DLG2: variants seen among roughly 807,000 people sequenced by gnomAD.
The protein encoded by DLG2 is discs large MAGUK scaffold protein 2.
DLG2 carries 45 observed loss-of-function variants against 132.5 expected under a neutral mutation model. The ratio of observed to expected loss-of-function variants is 0.34; its 90% CI spans 0.27 to 0.44. The LOEUF is 0.44. Among genes scored for constraint, DLG2 ranks in the 20% least tolerant of loss-of-function variants. The probability of loss-of-function intolerance (pLI) is 1.00; values close to 1 mark genes in which losing one functional copy is unlikely to be tolerated. For synonymous variants in DLG2, 424 were observed against 419.6 expected, an observed-to-expected ratio of 1.01 and a Z score of -0.13; for missense variants, 1,045 against 1,196.9, an observed-to-expected ratio of 0.87 and a Z score of 1.87.
intron 16 of DLG2, among the ~76,000 whole-genome samples, chr11:83,859,771 A>C (rs10898162): frequency 0.073 from 11,161 of 152,200 alleles, 1,008 homozygotes; most frequent in African/African-American, 0.21. Context: ...AGAGACCTAG[A>C]TCTTTATGGC....
intron 6 of DLG2, among the ~76,000 whole-genome samples, chr11:85,069,555 C>T (rs1409870623): frequency 2.0e-5 from 3 of 152,102 alleles, no homozygotes; most frequent in Non-Finnish European, 4.4e-5. Flanking sequence ...TGAAAAAATG[C>T]TCATCATCAC....
intron 21 of DLG2, among the ~76,000 whole-genome samples, chr11:83,519,621 A>G (rs73522613): frequency 2.0e-3 from 308 of 152,336 alleles, no homozygotes; most frequent in African/African-American, 7.1e-3. Flanking sequence ...CTATTTAGCA[A>G]AAACACCTGG....
At chr11:85,554,260 G>A (rs1187217380) in intron 3 of DLG2, among the ~76,000 whole-genome samples, 2 of 151,550 alleles carry the variant, frequency 1.3e-5, no homozygotes, top group African/African-American at 4.8e-5. Flanking sequence ...TCAAACTTCT[G>A]ATAGTATTGA....
intron 6 of DLG2, among the ~76,000 whole-genome samples, chr11:84,891,900 C>T (rs2089456972): frequency 6.6e-6 from 1 of 152,122 alleles, no homozygotes; most frequent in African/African-American, 2.4e-5. Flanking sequence ...AAATAGGATG[C>T]ACCATTTATT....
chr11:84,962,327 T>C lies in DLG2; in HGVS notation c.357+149334A>G, dbSNP rs533334417. On this transcript the variant is annotated intron_variant, in intron 6 of 27. Coordinates refer to ENST00000376104, the MANE Select transcript of DLG2 (RefSeq NM_001142699.3). ...TCTATTGCCATGAGCAAACTAGGGG[T>C]AAAGAACTCTGTGATATAGTGAAAC... 2.6e-5 allele frequency among the ~76,000 whole-genome samples: 4 copies of C among 152,298 alleles called. No individual in the cohort carries two copies. The East Asian group carries it at 5.8e-4, about 22-fold the overall frequency.
intron 6 of DLG2, among the ~76,000 whole-genome samples, chr11:84,925,066 G>A (rs1022049734): frequency 3.9e-5 from 6 of 152,130 alleles, no homozygotes; most frequent in African/African-American, 1.4e-4. Context: ...TTTCTCCACT[G>A]AGGATTCAGA....
At position 83,517,934 on chromosome 11, in the gene DLG2, G is replaced by T. The variant is rs372773770; in HGVS notation, c.2193+14774C>A. 6.3e-4 allele frequency among the ~76,000 whole-genome samples: 96 copies of T among 152,326 alleles called. 4 individuals carry two copies. The highest frequency in any genetic ancestry group is 2.1e-3 in the African/African-American group (87 of 41,574). ...TGTGAGGTGTCAGTCTGCCCTTACT[G>T]GGGGGTGACTCCCAGTTAGGCTACT... On this transcript the variant is annotated intron_variant, in intron 21 of 27. Transcript: ENST00000376104.
At chr11:84,020,322 TATAG>T (rs1453373467) in intron 11 of DLG2, among the ~76,000 whole-genome samples, 5 of 152,288 alleles carry the variant, frequency 3.3e-5, no homozygotes, top group Middle Eastern at 6.8e-3. Context: ...ACGAAATATA[TATAG>T]ATATAGATGA....
chr11:85,508,550 A>G (rs1192113168), intron 3 of DLG2, among the ~76,000 whole-genome samples: 1 of 151,922 alleles, frequency 6.6e-6, no homozygotes, highest in Non-Finnish European at 1.5e-5. Flanking sequence ...TTTATTTTAC[A>G]TCTCTGCTCA....
intron 6 of DLG2, among the ~76,000 whole-genome samples, chr11:85,055,857 G>C (rs2063398347): frequency 6.6e-6 from 1 of 152,080 alleles, no homozygotes; most frequent in Non-Finnish European, 1.5e-5. Context: ...GATAGGGTTA[G>C]GGTTAAGGTT....
intron 15 of DLG2, among the ~76,000 whole-genome samples, chr11:83,892,699 TA>T (rs5793090): frequency 1.2e-3 from 179 of 147,040 alleles, no homozygotes; most frequent in Non-Finnish European, 1.4e-3. Flanking sequence ...TGCAAAGAAT[TA>T]AAAAAAAAAA....
chr11:84,126,527 G>T (rs1945827), intron 9 of DLG2, among the ~76,000 whole-genome samples: 115,714 of 151,922 alleles, frequency 0.76, 44,836 homozygotes, highest in Middle Eastern at 0.87. Flanking sequence ...TTGATGGGTT[G>T]TATATAAAGA....
chr11:84,644,838 C>A (rs374960071), intron 6 of DLG2, among the ~76,000 whole-genome samples: 3 of 151,926 alleles, frequency 2.0e-5, no homozygotes, highest in Non-Finnish European at 4.4e-5. Flanking sequence ...GGTGCCTGAG[C>A]GCTGTGTGGC....
intron 3 of DLG2, among the ~76,000 whole-genome samples, chr11:85,323,482 T>G (rs993691026): frequency 6.6e-5 from 10 of 152,230 alleles, no homozygotes. Context: ...ACACAAATAT[T>G]TGTCATTTCT....
At chr11:84,755,100 G>A (rs1234844613) in intron 6 of DLG2, among the ~76,000 whole-genome samples, 3 of 152,132 alleles carry the variant, frequency 2.0e-5, no homozygotes, top group Non-Finnish European at 4.4e-5. Flanking sequence ...AAAGCAGCAA[G>A]CTAGATTTAA....
chr11:84,862,049 G>A (rs554644156), intron 6 of DLG2, among the ~76,000 whole-genome samples: 1 of 114,216 alleles, frequency 8.8e-6, no homozygotes, highest in South Asian at 3.6e-4. Context: ...GGTGGGGGGA[G>A]GGGGGAGGGA....
chr11:85,324,857 G>C (rs1174424382), intron 3 of DLG2, among the ~76,000 whole-genome samples: 2 of 150,986 alleles, frequency 1.3e-5, no homozygotes, highest in East Asian at 3.9e-4. Flanking sequence ...TCCATCTGAG[G>C]TACCGGGTTC....
chr11:84,366,437 T>C (rs1354074363), intron 7 of DLG2, among the ~76,000 whole-genome samples: 2 of 150,826 alleles, frequency 1.3e-5, no homozygotes, highest in East Asian at 2.0e-4. Context: ...AACATCATAA[T>C]GACAGGATCA....
intron 17 of DLG2, among the ~76,000 whole-genome samples, chr11:83,797,451 T>C (rs2043107979): frequency 6.6e-6 from 1 of 151,990 alleles, no homozygotes; most frequent in Admixed American, 6.6e-5. Flanking sequence ...TGCTAACATA[T>C]GACAAAGTCA....
Sources: gnomAD v4.1 joint callset for allele counts (sites outside exome capture counted in the v4.1 genomes callset) on GRCh38, gnomAD v4.1.1 for gene constraint, MANE v1.5 for transcripts, NCBI Gene and HGNC (gene_info 2026-07-23, HGNC 2026-07-21) for gene names.